Variants in CLEC16A observed in about 807,000 individuals in gnomAD.
The protein encoded by CLEC16A is C-type lectin domain containing 16A.
Under a neutral mutation model 109.5 loss-of-function variants are expected in CLEC16A, and 51 were observed. The ratio of observed to expected loss-of-function variants is 0.47; its 90% confidence interval spans 0.37 to 0.59. CLEC16A has a LOEUF of 0.59. Among genes scored for constraint, CLEC16A ranks in the 20% least tolerant of loss-of-function variants. The probability of loss-of-function intolerance (pLI) is 0.00; values close to 1 mark genes in which losing one functional copy is unlikely to be tolerated. For synonymous variants in CLEC16A, 673 were observed against 564.2 expected (o/e 1.19, Z -2.73); for missense variants, 1,339 against 1,394.0 (o/e 0.96, Z 0.63).
chr16:11,152,563 C>T (rs78538336), intron 22 of CLEC16A, among the ~76,000 whole-genome samples: 44 of 152,312 alleles, frequency 2.9e-4, no homozygotes, highest in African/African-American at 1.0e-3. Context: ...AGTGCCAATC[C>T]CCTCTGTTGT....
Position 10,960,845 on chromosome 16 carries a change from T to C in CLEC16A, c.210-1610T>C, listed in dbSNP as rs116809999. ...TGTTGTTATTTTATTGCTCAAGTTG[T>C]TTCAGCCTTGGCTATTAGGAGCTCT... On this transcript the variant is annotated intron_variant, in intron 2 of 23. Coordinates refer to ENST00000409790, the MANE Select transcript of CLEC16A (RefSeq NM_015226.3). 4.5e-3 allele frequency among the ~76,000 whole-genome samples: 683 copies of C among 152,354 alleles called. 5 individuals are homozygous for C. Among genetic ancestry groups the C allele is most frequent in the Middle Eastern group, 0.031 (9 of 294 alleles).
chr16:10,986,180 G>A (rs1264736436), intron 10 of CLEC16A, among the ~76,000 whole-genome samples: 1 of 151,574 alleles, frequency 6.6e-6, no homozygotes, highest in South Asian at 2.1e-4. Context: ...ACAGGCGCCT[G>A]CCCCCACACC....
chr16:11,023,865 A>G (rs1327273267), intron 12 of CLEC16A, among the ~76,000 whole-genome samples: 4 of 152,352 alleles, frequency 2.6e-5, no homozygotes, highest in Middle Eastern at 3.4e-3. Flanking sequence ...GCAGCCACAG[A>G]CAGTGGGAGG....
chr16:10,964,880 G>A (rs1393180553), intron 3 of CLEC16A, among the ~76,000 whole-genome samples: 1 of 152,132 alleles, frequency 6.6e-6, no homozygotes, highest in African/African-American at 2.4e-5. Flanking sequence ...TGTGTGGGTG[G>A]GGGTTGTGTG....
chr16:11,032,264 CTG>C (rs1285647352), intron 13 of CLEC16A, among the ~76,000 whole-genome samples: 1 of 152,216 alleles, frequency 6.6e-6, no homozygotes, highest in Non-Finnish European at 1.5e-5. Context: ...AGGCAGGCAT[CTG>C]GAGCCAGTCT....
At chr16:11,096,997 A>T (rs986120017) in intron 19 of CLEC16A, among the ~76,000 whole-genome samples, 8 of 151,882 alleles carry the variant, frequency 5.3e-5, no homozygotes, top group African/African-American at 1.2e-4. Flanking sequence ...CAGCATTTTT[A>T]AAAAACTGAC....
intron 7 of CLEC16A, 119 bp from the exon 8 acceptor site, chr16:10,977,106 T>C (rs2043067010): frequency 1.1e-6 from 1 of 941,490 alleles, no homozygotes; most frequent in Non-Finnish European, 1.6e-6. Context: ...TAAGTGTCTC[T>C]TGAGACTAAC....
Position 10,981,031 on chromosome 16 carries a change from C to G in CLEC16A, c.957+1649C>G, listed in dbSNP as rs1172339050. Among the ~76,000 whole-genome samples, 4 of 152,268 alleles carry G rather than the reference C, an allele frequency of 2.6e-5. No homozygotes were observed. The East Asian group carries it at 5.8e-4, about 22-fold the overall frequency. On this transcript the variant is annotated intron_variant, in intron 9 of 23. Transcript: ENST00000409790. The stretch of plus-strand genomic sequence containing the variant: ...GGCAGCTGGGCCCAGCTTTTTGAGT[C>G]TGGCCTGCACGTGCTTCCACGTACC...
chr16:10,944,820 G>A, intron 1 of CLEC16A, 23 bp downstream of exon 1: 2 of 1,582,046 alleles, frequency 1.3e-6, no homozygotes, highest in Non-Finnish European at 1.7e-6. Flanking sequence ...GGCGTAGCGG[G>A]AGGCCTCGGG....
chr16:11,125,926 AC>A (rs2052778011), intron 21 of CLEC16A, 52 bp from the exon 22 acceptor site: 29 of 244,314 alleles, frequency 1.2e-4, no homozygotes, highest in East Asian at 2.0e-4. Context: ...AATTCTCACC[AC>A]CCCCCTCTAT....
At chr16:11,002,412 G>A (rs922374448) in intron 10 of CLEC16A, among the ~76,000 whole-genome samples, 1 of 152,212 alleles carries the variant, frequency 6.6e-6, no homozygotes, top group Non-Finnish European at 1.5e-5. Flanking sequence ...CTGTTGTTTT[G>A]ATTATTTGAT....
Position 11,174,573 on chromosome 16 carries a change from C to T in CLEC16A, c.2807-3762C>T, listed in dbSNP as rs1030536792. 2.0e-5 allele frequency among the ~76,000 whole-genome samples: 3 copies of T among 152,246 alleles called. No individual in the cohort carries two copies. The highest frequency in any genetic ancestry group is 4.4e-5 in the Non-Finnish European group (3 of 68,038). ...CTGGAAACGCTGTCCTTCTCTGTGA[C>T]ATGTGCACCAGTGTCAGGCTCGGCC... On this transcript the variant is annotated intron_variant, in intron 23 of 23. Coordinates refer to ENST00000409790, the MANE Select transcript of CLEC16A (RefSeq NM_015226.3). This position sits in a 1 kb window ranked among gnomAD's most constrained non-coding sequence, Gnocchi z 4.7.
Position 11,156,641 on chromosome 16 carries a change from G to C in CLEC16A, c.2642-9747G>C, listed in dbSNP as rs1034186373. ...TCCCAAGCTTGCTAGTGCCTTGGCT[G>C]ACAGACTGTTGTGGAGGTCTTTGCT... is the stretch of plus-strand genomic sequence containing the variant. On this transcript the variant is annotated intron_variant, in intron 22 of 23. Coordinates refer to ENST00000409790, the MANE Select transcript of CLEC16A (RefSeq NM_015226.3). 3.1e-6 allele frequency: 4 copies of C among 1,304,204 alleles called. No homozygotes were observed. The African/African-American group carries it at 6.1e-5, about 20-fold the overall frequency. The allele number at this position is 1,304,204 out of a possible 1,614,324, so 80.8% of individuals were successfully genotyped here.
chr16:11,043,763 G>T (rs1233900805), intron 15 of CLEC16A, among the ~76,000 whole-genome samples: 1 of 151,922 alleles, frequency 6.6e-6, no homozygotes, highest in Non-Finnish European at 1.5e-5. Flanking sequence ...TACTCGGGAG[G>T]TTGAGACAGG....
intron 22 of CLEC16A, among the ~76,000 whole-genome samples, chr16:11,133,972 A>G (rs1422249949): frequency 6.6e-6 from 1 of 152,114 alleles, no homozygotes; most frequent in Non-Finnish European, 1.5e-5. Context: ...AGCAAAATTT[A>G]TTGAGCTGCT....
intron 11 of CLEC16A, among the ~76,000 whole-genome samples, chr16:11,012,594 C>CAAAAAAAAAAAAAAAA (rs551902895): frequency 2.9e-5 from 2 of 67,940 alleles, no homozygotes; most frequent in African/African-American, 9.0e-5. Flanking sequence ...GACTCCGTCT[C>CAAAAAAAAAAAAAAAA]AAAAAAAAAA....
At chr16:10,987,968 G>C (rs1005775785) in intron 10 of CLEC16A, among the ~76,000 whole-genome samples, 2 of 152,138 alleles carry the variant, frequency 1.3e-5, no homozygotes, top group Non-Finnish European at 2.9e-5. Flanking sequence ...TGTAATTTAG[G>C]GTTAAATGGA....
chr16:11,128,939 C>T (rs892743047), intron 22 of CLEC16A, among the ~76,000 whole-genome samples: 10 of 152,176 alleles, frequency 6.6e-5, no homozygotes, highest in African/African-American at 2.2e-4. Context: ...CAGATTACGT[C>T]ATACCCCTGC....
chr16:11,085,076 A>C (rs1410407407), intron 19 of CLEC16A, among the ~76,000 whole-genome samples: 1 of 152,210 alleles, frequency 6.6e-6, no homozygotes, highest in Non-Finnish European at 1.5e-5. Context: ...CCAGCACCAG[A>C]AGCCCCTCTT....
Sources: allele counts gnomAD v4.1 joint callset (sites outside exome capture counted in the v4.1 genomes callset), GRCh38; gene constraint gnomAD v4.1.1; non-coding constraint Gnocchi (gnomAD v3.1); transcripts MANE v1.5; gene names NCBI Gene and HGNC (gene_info 2026-07-23, HGNC 2026-07-21).